Variants in GRIP1 observed in about 807,000 individuals in gnomAD.
GRIP1 encodes the protein glutamate receptor interacting protein 1.
GRIP1 carries 45 observed loss-of-function variants against 129.9 expected under a neutral mutation model. The observed-to-expected ratio is 0.35, with a 90% CI of 0.27 to 0.44. GRIP1 has a LOEUF of 0.44. Among genes scored for constraint, GRIP1 ranks in the 20% least tolerant of loss-of-function variants. The pLI, the probability that GRIP1 is intolerant of heterozygous loss-of-function variation, is 1.00. For synonymous variants in GRIP1, 530 were observed against 520.8 expected (o/e 1.02, Z -0.24); for missense variants, 1,196 against 1,396.8 (o/e 0.86, Z 2.29).
At chr12:66,486,636 T>C (rs575922429) in intron 7 of GRIP1, among the ~76,000 whole-genome samples, 2 of 152,284 alleles carry the variant, frequency 1.3e-5, no homozygotes, top group East Asian at 3.9e-4. Flanking sequence ...TTGCTCCTTC[T>C]TGCCTTCCAC....
chr12:66,444,133 A>C (rs919571293), intron 13 of GRIP1, among the ~76,000 whole-genome samples: 14 of 152,220 alleles, frequency 9.2e-5, no homozygotes, highest in Admixed American at 2.6e-4. Flanking sequence ...ATCCAAAACA[A>C]TGTTCAATTC....
intron 1 of GRIP1, among the ~76,000 whole-genome samples, chr12:66,661,398 C>T (rs115360571): frequency 0.019 from 2,606 of 136,118 alleles, 85 homozygotes; most frequent in African/African-American, 0.068. Context: ...TTCCATCAAA[C>T]AACAAAAAGT....
At chr12:66,401,609 T>TATATATATATATATATACACAC (rs1169241331) in intron 16 of GRIP1, among the ~76,000 whole-genome samples, 2 of 110,172 alleles carry the variant, frequency 1.8e-5, no homozygotes, top group East Asian at 3.0e-4. Flanking sequence ...TATATATATA[T>TATATATATATATATATACACAC]ACACACACAC....
intron 1 of GRIP1, among the ~76,000 whole-genome samples, chr12:66,923,910 T>A (rs1024043563): frequency 2.0e-5 from 3 of 152,160 alleles, no homozygotes; most frequent in Non-Finnish European, 4.4e-5. Flanking sequence ...AATGGCGCCA[T>A]CTCAGCTCAC....
intron 1 of GRIP1, among the ~76,000 whole-genome samples, chr12:66,924,999 T>A (rs1592351267): frequency 6.6e-6 from 1 of 152,130 alleles, no homozygotes; most frequent in African/African-American, 2.4e-5. Context: ...GAGAGCAAGA[T>A]AAGAATTTAT....
In GRIP1 at chr12:66,417,373, A is replaced by T. The variant is rs543056270; in HGVS notation, c.1838+3347T>A. Among the ~76,000 whole-genome samples, 19 of 152,308 alleles carry T rather than the reference A, an allele frequency of 1.2e-4. No individual in the cohort carries two copies. The East Asian group carries it at 1.3e-3, about 11-fold the overall frequency. ...AAAAACTAAAAGCCATTCCTCTAAG[A>T]TCTGGTACACAACAAGGATGCTCAC... On this transcript the variant is annotated intron_variant, in intron 15 of 24. Transcript: ENST00000359742.
At chr12:66,860,099 C>T (rs1301629552) in intron 1 of GRIP1, among the ~76,000 whole-genome samples, 1 of 152,080 alleles carries the variant, frequency 6.6e-6, no homozygotes, top group Non-Finnish European at 1.5e-5. Context: ...ATATAAGATC[C>T]TCAGATCCTT....
At chr12:66,711,760 C>G (rs1317167247) in intron 1 of GRIP1, among the ~76,000 whole-genome samples, 1 of 151,780 alleles carries the variant, frequency 6.6e-6, no homozygotes. Context: ...CAAAATTGGC[C>G]TGTCTGGGTC....
At chr12:66,906,369 A>G (rs1242469545) in intron 1 of GRIP1, among the ~76,000 whole-genome samples, 1 of 152,134 alleles carries the variant, frequency 6.6e-6, no homozygotes, top group African/African-American at 2.4e-5. Flanking sequence ...AGGAAGTCGA[A>G]GCTGAAGAGT....
chr12:66,523,870 G>A (rs2061118723), intron 5 of GRIP1, among the ~76,000 whole-genome samples: 7 of 152,148 alleles, frequency 4.6e-5, no homozygotes, highest in Admixed American at 4.6e-4. Context: ...AAAGGCAGGG[G>A]TTGCAATCCT....
intron 7 of GRIP1, among the ~76,000 whole-genome samples, chr12:66,491,992 C>T (rs2060116069): frequency 6.6e-6 from 1 of 152,200 alleles, no homozygotes; most frequent in Non-Finnish European, 1.5e-5. Flanking sequence ...TCTGCTGAGG[C>T]AGAGAAACTG....
At chr12:66,770,952 A>G (rs1331800198) in intron 1 of GRIP1, among the ~76,000 whole-genome samples, 1 of 152,088 alleles carries the variant, frequency 6.6e-6, no homozygotes, top group Non-Finnish European at 1.5e-5. Context: ...CAAATTAGCC[A>G]GGCATGGTGG....
intron 1 of GRIP1, among the ~76,000 whole-genome samples, chr12:66,918,311 A>G (rs1056425266): frequency 6.6e-6 from 1 of 152,114 alleles, no homozygotes; most frequent in Non-Finnish European, 1.5e-5. Context: ...TTATTTCAGA[A>G]GAGTCAACCT....
At chr12:66,452,018 A>G (rs920477069) in intron 11 of GRIP1, among the ~76,000 whole-genome samples, 1 of 152,210 alleles carries the variant, frequency 6.6e-6, no homozygotes, top group Admixed American at 6.5e-5. Context: ...CTCTAATAGT[A>G]GTTACTACTG....
chr12:66,906,164 C>A (rs1208700394), intron 1 of GRIP1, among the ~76,000 whole-genome samples: 2 of 152,174 alleles, frequency 1.3e-5, no homozygotes, highest in African/African-American at 2.4e-5. Flanking sequence ...GTAATCCCAG[C>A]ACTTTGGGAG....
intron 1 of GRIP1, among the ~76,000 whole-genome samples, chr12:66,935,469 G>T (rs1163570021): frequency 6.6e-6 from 1 of 152,160 alleles, no homozygotes; most frequent in Admixed American, 6.5e-5. Context: ...TGATTAAAGG[G>T]TTGGGGCTTT....
intron 1 of GRIP1, among the ~76,000 whole-genome samples, chr12:66,907,921 T>G (rs1211733548): frequency 6.6e-6 from 1 of 152,008 alleles, no homozygotes; most frequent in Non-Finnish European, 1.5e-5. Context: ...ACATGCAAAG[T>G]GACAAGAACA....
At chr12:66,723,118 GA>G (rs1203970547) in intron 1 of GRIP1, among the ~76,000 whole-genome samples, 88 of 132,894 alleles carry the variant, frequency 6.6e-4, no homozygotes, top group Middle Eastern at 3.9e-3. Context: ...ATATTTTTTG[GA>G]AAAAAAAAAA....
intron 7 of GRIP1, among the ~76,000 whole-genome samples, chr12:66,472,560 G>A (rs1292048579): frequency 1.3e-5 from 2 of 152,108 alleles, no homozygotes; most frequent in South Asian, 4.1e-4. Flanking sequence ...AACAGCTCCA[G>A]TCTGCAGCTC....
Sources: gnomAD v4.1 joint callset for allele counts (sites outside exome capture counted in the v4.1 genomes callset) on GRCh38, gnomAD v4.1.1 for gene constraint, MANE v1.5 for transcripts, NCBI Gene and HGNC (gene_info 2026-07-23, HGNC 2026-07-21) for gene names.